WDR70: variants seen among roughly 807,000 people sequenced by gnomAD.
WDR70 encodes the protein WD repeat domain 70, also known as WD repeat-containing protein 70.
A neutral mutation model predicts 88.6 loss-of-function variants in WDR70; 53 were observed. That is an observed-to-expected ratio of 0.60 (90% CI 0.48 to 0.75). The LOEUF is 0.75. WDR70 is among the 30% of genes least tolerant of loss of function. WDR70 has a pLI of 0.00. For missense variants in WDR70, 610 were observed against 823.2 expected (o/e 0.74, Z 3.17); for synonymous variants, 280 against 270.0 (o/e 1.04, Z -0.36).
At chr5:37,509,111 C>G (rs571520653) in intron 8 of WDR70, among the ~76,000 whole-genome samples, 1 of 152,120 alleles carries the variant, frequency 6.6e-6, no homozygotes, top group African/African-American at 2.4e-5. Flanking sequence ...TCTTCTCTCT[C>G]TTTCTCTCCT....
chr5:37,601,920 G>A (rs1011859832), intron 9 of WDR70, among the ~76,000 whole-genome samples: 2 of 152,066 alleles, frequency 1.3e-5, no homozygotes, highest in African/African-American at 2.4e-5. Flanking sequence ...TCCTTTGCAG[G>A]GACATGGATG....
intron 9 of WDR70, among the ~76,000 whole-genome samples, chr5:37,560,534 A>G (rs1742469954): frequency 6.6e-6 from 1 of 152,192 alleles, no homozygotes; most frequent in Admixed American, 6.5e-5. Context: ...TTTAAATTAT[A>G]TACACTTTGC....
chr5:37,536,475 A>G (rs1391774480), intron 9 of WDR70, among the ~76,000 whole-genome samples: 1 of 152,092 alleles, frequency 6.6e-6, no homozygotes, highest in Non-Finnish European at 1.5e-5. Context: ...AGATTTTGGA[A>G]TATTTGTATT....
chr5:37,744,094 C>T (rs1748571218), intron 17 of WDR70, among the ~76,000 whole-genome samples: 1 of 152,142 alleles, frequency 6.6e-6, no homozygotes, highest in South Asian at 2.1e-4. Context: ...CCTCCAGCCT[C>T]CTTGAGTGAC....
intron 17 of WDR70, among the ~76,000 whole-genome samples, chr5:37,733,528 A>G (rs1173724147): frequency 6.6e-6 from 1 of 152,008 alleles, no homozygotes; most frequent in Non-Finnish European, 1.5e-5. Flanking sequence ...ATTATACCTA[A>G]TGTACTCATG....
At chr5:37,721,501 TACC>T in intron 14 of WDR70, 2 of 444,938 alleles carry the variant, frequency 4.5e-6, no homozygotes, top group South Asian at 5.4e-5. Flanking sequence ...CCACTTTGCA[TACC>T]ACCCTGGACA....
chr5:37,386,383 A>G lies in WDR70; in HGVS notation c.175+4698A>G, dbSNP rs1347342660. ...TTTTGAGTTGCCCAGGCTGGAGGGCAATGGTGCAATCTAGGCTCACTGCAA... is the reference window on the plus strand; with the variant it reads ...TTTTGAGTTGCCCAGGCTGGAGGGCGATGGTGCAATCTAGGCTCACTGCAA... On this transcript the variant is annotated intron_variant, in intron 3 of 17. Coordinates refer to ENST00000265107, the MANE Select transcript of WDR70 (RefSeq NM_018034.4). 2.0e-5 allele frequency among the ~76,000 whole-genome samples: 3 copies of G among 152,066 alleles called. No homozygotes were observed. The South Asian group carries it at 6.2e-4, about 31-fold the overall frequency.
At chr5:37,682,934 G>C (rs1272445445) in intron 10 of WDR70, among the ~76,000 whole-genome samples, 1 of 151,696 alleles carries the variant, frequency 6.6e-6, no homozygotes, top group Non-Finnish European at 1.5e-5. Flanking sequence ...CTGTCAGTGA[G>C]TTGTTGAAGT....
At chr5:37,673,356 T>A (rs1746087231) in intron 10 of WDR70, among the ~76,000 whole-genome samples, 1 of 152,194 alleles carries the variant, frequency 6.6e-6, no homozygotes, top group Non-Finnish European at 1.5e-5. Context: ...AGTGTTGCAG[T>A]GAACATATAT....
At chr5:37,657,740 C>T (rs1745597671) in intron 10 of WDR70, among the ~76,000 whole-genome samples, 2 of 152,300 alleles carry the variant, frequency 1.3e-5, no homozygotes, top group African/African-American at 4.8e-5. Context: ...AAGTTGTGCC[C>T]TGTCATTAAG....
chr5:37,711,965 A>G (rs1747522690), intron 13 of WDR70, among the ~76,000 whole-genome samples: 1 of 149,270 alleles, frequency 6.7e-6, no homozygotes, highest in South Asian at 2.1e-4. Context: ...ATCAATTTGG[A>G]ATTTCAGTGC....
At chr5:37,478,884 TATTC>T (rs1275566811) in intron 7 of WDR70, among the ~76,000 whole-genome samples, 1 of 152,182 alleles carries the variant, frequency 6.6e-6, no homozygotes, top group African/African-American at 2.4e-5. Flanking sequence ...CACACCACTG[TATTC>T]ACTACAGCCA....
intron 10 of WDR70, among the ~76,000 whole-genome samples, chr5:37,605,805 A>G (rs1159426242): frequency 6.6e-6 from 1 of 152,206 alleles, no homozygotes. Context: ...ATCCATATAA[A>G]TAATGAATAC....
At chr5:37,752,431 G>A in intron 17 of WDR70, 55 bp from the exon 18 acceptor site, 1 of 1,408,030 alleles carries the variant, frequency 7.1e-7, no homozygotes, top group Non-Finnish European at 9.8e-7. Flanking sequence ...AAAATCTAAT[G>A]TAACAAATAC....
intron 7 of WDR70, among the ~76,000 whole-genome samples, chr5:37,477,631 T>A (rs1174426048): frequency 6.6e-6 from 1 of 152,212 alleles, no homozygotes; most frequent in Non-Finnish European, 1.5e-5. Context: ...ACTGGCCAAG[T>A]CACTTTGCAT....
chr5:37,578,864 T>C (rs1402720392), intron 9 of WDR70, among the ~76,000 whole-genome samples: 5 of 152,216 alleles, frequency 3.3e-5, no homozygotes, highest in African/African-American at 1.2e-4. Context: ...TTTCCACAGG[T>C]GGGCACTGAC....
At chr5:37,429,465 A>G (rs1192269863) in intron 5 of WDR70, among the ~76,000 whole-genome samples, 1 of 151,646 alleles carries the variant, frequency 6.6e-6, no homozygotes, top group Non-Finnish European at 1.5e-5. Flanking sequence ...TCATTGTTTT[A>G]TAGGTTTAGT....
intron 8 of WDR70, among the ~76,000 whole-genome samples, chr5:37,484,688 A>G (rs1739802585): frequency 6.6e-6 from 1 of 152,256 alleles, no homozygotes; most frequent in Non-Finnish European, 1.5e-5. Flanking sequence ...CAATAATTAT[A>G]TAAAACTTAA....
intron 9 of WDR70, among the ~76,000 whole-genome samples, chr5:37,544,485 A>T (rs1741930841): frequency 6.6e-6 from 1 of 152,234 alleles, no homozygotes; most frequent in Non-Finnish European, 1.5e-5. Context: ...TCAGTAAATT[A>T]TAAATATTTT....
Sources: gnomAD v4.1 joint callset for allele counts (sites outside exome capture counted in the v4.1 genomes callset) on GRCh38, gnomAD v4.1.1 for gene constraint, MANE v1.5 for transcripts, NCBI Gene and HGNC (gene_info 2026-07-23, HGNC 2026-07-21) for gene names.